The following PGM5 variants were observed in gnomAD, a reference collection of about 807,000 sequenced individuals.
PGM5 encodes the protein phosphoglucomutase 5.
A neutral mutation model predicts 59.2 loss-of-function variants in PGM5; 23 were observed. The ratio of observed to expected loss-of-function variants is 0.39; its 90% confidence interval spans 0.28 to 0.55. PGM5 has a LOEUF of 0.55. Among genes scored for constraint, PGM5 ranks in the 20% least tolerant of loss-of-function variants. The pLI is 0.66. For synonymous variants in PGM5, 214 were observed against 286.0 expected, an observed-to-expected ratio of 0.75 and a Z score of 2.54; for missense variants, 574 against 748.3, an observed-to-expected ratio of 0.77 and a Z score of 2.72.
At chr9:68,510,874 G>C (rs573636045) in intron 10 of PGM5, among the ~76,000 whole-genome samples, 1 of 152,228 alleles carries the variant, frequency 6.6e-6, no homozygotes, top group Non-Finnish European at 1.5e-5. Flanking sequence ...CCAGGTCATA[G>C]GTGGATTCAA....
At chr9:68,415,498 C>A (rs2132042557) in intron 6 of PGM5, among the ~76,000 whole-genome samples, 1 of 145,794 alleles carries the variant, frequency 6.9e-6, no homozygotes, top group South Asian at 2.1e-4. Context: ...GGAACATGGA[C>A]ACAGAAATGT....
At chr9:68,478,278 C>T (rs1824137000) in intron 7 of PGM5, among the ~76,000 whole-genome samples, 2 of 152,220 alleles carry the variant, frequency 1.3e-5, no homozygotes, top group South Asian at 2.1e-4. Context: ...AGAACTGCCT[C>T]CAACTCTTTC....
intron 6 of PGM5, among the ~76,000 whole-genome samples, chr9:68,410,760 A>C (rs1295933112): frequency 6.6e-6 from 1 of 152,198 alleles, no homozygotes; most frequent in African/African-American, 2.4e-5. Context: ...AAAGATTGGG[A>C]ACAAGGTTTT....
At chr9:68,436,822 G>T (rs1297137818) in intron 6 of PGM5, among the ~76,000 whole-genome samples, 2 of 152,154 alleles carry the variant, frequency 1.3e-5, no homozygotes, top group Non-Finnish European at 2.9e-5. Context: ...GTAAAGTGAA[G>T]GTTGTGGAAT....
At chr9:68,397,418 T>G (rs1319036125) in intron 6 of PGM5, 37 of 152,218 alleles carry the variant, frequency 2.4e-4, no homozygotes, top group Non-Finnish European at 4.4e-4. Flanking sequence ...ATGGCTAGCA[T>G]CCTTGAATAC....
intron 9 of PGM5, among the ~76,000 whole-genome samples, chr9:68,496,419 A>G (rs1199527191): frequency 6.6e-6 from 1 of 152,208 alleles, no homozygotes; most frequent in African/African-American, 2.4e-5. Flanking sequence ...CTTACATTCC[A>G]TGTGGAGAAG....
At chr9:68,471,387 C>T (rs531766141) in intron 7 of PGM5, among the ~76,000 whole-genome samples, 1 of 152,256 alleles carries the variant, frequency 6.6e-6, no homozygotes, top group South Asian at 2.1e-4. Flanking sequence ...TAGGAGACTA[C>T]TGGTTGCTAG....
Position 68,480,480 on chromosome 9 carries a change from G to A in PGM5, c.1295+927G>A, listed in dbSNP as rs147734843. On this transcript the variant is annotated intron_variant, in intron 8 of 10. Transcript: ENST00000396396. ...AGCACTTTGGGAGGCCGAGGCAGGC[G>A]GATCACCTGAGGTCAGGAGTTTGAG... 8.8e-4 allele frequency among the ~76,000 whole-genome samples: 134 copies of A among 152,226 alleles called. No individual in the cohort carries two copies. The East Asian group carries it at 0.019, about 22-fold the overall frequency.
At position 68,465,627 on chromosome 9, in the gene PGM5, A is replaced by G. The variant is rs1291782980; in HGVS notation, c.1159+419A>G. 5.3e-5 allele frequency among the ~76,000 whole-genome samples: 8 copies of G among 152,304 alleles called. 1 individual carries two copies. Among genetic ancestry groups the G allele is most frequent in the African/African-American group, 1.7e-4 (7 of 41,566 alleles). On this transcript the variant is annotated intron_variant, in intron 7 of 10. Coordinates refer to ENST00000396396, the MANE Select transcript of PGM5 (RefSeq NM_021965.4). ...TTTTATCCGTAAGCATTTCAAGATG[A>G]ATCTTTAAATATAAGGGCTCTTGTT...
At chr9:68,431,891 G>A (rs1416939506) in intron 6 of PGM5, among the ~76,000 whole-genome samples, 1 of 152,082 alleles carries the variant, frequency 6.6e-6, no homozygotes, top group Non-Finnish European at 1.5e-5. Flanking sequence ...AAGTATTAGG[G>A]GTGGGGATGG....
intron 10 of PGM5, among the ~76,000 whole-genome samples, chr9:68,514,829 A>G (rs1824801874): frequency 6.6e-6 from 1 of 152,208 alleles, no homozygotes; most frequent in African/African-American, 2.4e-5. Flanking sequence ...TAAAGCATGC[A>G]GAAAATAACC....
intron 10 of PGM5, among the ~76,000 whole-genome samples, chr9:68,516,870 G>GT (rs1564027375): frequency 1.3e-5 from 2 of 151,786 alleles, no homozygotes; most frequent in Non-Finnish European, 2.9e-5. Flanking sequence ...GTTTTGTTTT[G>GT]TTTTTTGTTT....
At chr9:68,392,593 A>C in intron 6 of PGM5, 120 bp downstream of exon 6, 1 of 1,493,514 alleles carries the variant, frequency 6.7e-7, no homozygotes. Context: ...AAAGCATGGG[A>C]ACACGGTATA....
intron 9 of PGM5, among the ~76,000 whole-genome samples, chr9:68,489,180 A>G (rs782359651): frequency 1.3e-5 from 2 of 152,210 alleles, no homozygotes; most frequent in African/African-American, 4.8e-5. Flanking sequence ...ATCTCCACTC[A>G]GTGCCACAGT....
chr9:68,440,945 C>T (rs1446143966), intron 6 of PGM5, among the ~76,000 whole-genome samples: 1 of 151,904 alleles, frequency 6.6e-6, no homozygotes, highest in Non-Finnish European at 1.5e-5. Context: ...AGAGAGAAGA[C>T]ACAAATTATA....
intron 6 of PGM5, among the ~76,000 whole-genome samples, chr9:68,455,064 C>G (rs1271584115): frequency 6.6e-6 from 1 of 152,174 alleles, no homozygotes; most frequent in African/African-American, 2.4e-5. Context: ...GCCTGTGCAT[C>G]CCTTGATATA....
At chr9:68,459,202 C>T (rs2132075611) in intron 6 of PGM5, among the ~76,000 whole-genome samples, 1 of 152,272 alleles carries the variant, frequency 6.6e-6, no homozygotes, top group South Asian at 2.1e-4. Flanking sequence ...TTTAAATATA[C>T]TTTTAATTGA....
Position 68,406,678 on chromosome 9 carries a change from GTATATATATATATA to G in PGM5, c.1043+14239_1043+14252del, listed in dbSNP as rs782034091. On this transcript the variant is annotated intron_variant, in intron 6 of 10. Transcript: ENST00000396396. ...AAATTAGGTATATATATATATATAT[GTATATATATATATA>G]TATATATATATATATATATATATAT... Among the ~76,000 whole-genome samples, 213 of 23,614 alleles carry G rather than the reference GTATATATATATATA, an allele frequency of 9.0e-3. 19 individuals carry two copies. The highest frequency in any genetic ancestry group is 0.036 in the African/African-American group (202 of 5,688). The allele number at this position is 23,614 out of a possible 152,430, so 15.5% of individuals were successfully genotyped here. A position where few individuals can be genotyped will look rare whatever the true frequency, so the allele number is the denominator to read the frequency against.
chr9:68,461,604 C>T (rs1228883548), intron 6 of PGM5, among the ~76,000 whole-genome samples: 1 of 152,134 alleles, frequency 6.6e-6, no homozygotes, highest in Non-Finnish European at 1.5e-5. Flanking sequence ...CATTAAGACC[C>T]TTATAAAAAA....
Sources: allele counts gnomAD v4.1 joint callset (sites outside exome capture counted in the v4.1 genomes callset), GRCh38; gene constraint gnomAD v4.1.1; transcripts MANE v1.5; gene names NCBI Gene and HGNC (gene_info 2026-07-23, HGNC 2026-07-21).